Variants in CYP11B1 observed in about 807,000 individuals in gnomAD.
CYP11B1 encodes cytochrome P450 family 11 subfamily B member 1.
Under a neutral mutation model 48.3 loss-of-function variants are expected in CYP11B1, and 34 were observed. That is an observed-to-expected ratio of 0.70 (90% CI 0.54 to 0.94). The LOEUF (loss-of-function observed/expected upper bound fraction) is 0.94, where lower values mean the gene tolerates loss of function less well. Among genes scored for constraint, CYP11B1 ranks in the 40% least tolerant of loss-of-function variants. CYP11B1 has a pLI of 0.00. For missense variants in CYP11B1, 688 were observed against 657.4 expected (o/e 1.05, Z -0.51); for synonymous variants, 291 against 262.5 (o/e 1.11, Z -1.05).
At position 142,875,123 on chromosome 8, in the gene CYP11B1, C is replaced by T. The variant is rs532797257; in HGVS notation, c.1232G>A (p.Gly411Asp). 6.2e-7 allele frequency: 1 copy of T among 1,614,246 alleles called. No individual in the cohort carries two copies. The highest frequency in any genetic ancestry group is 1.1e-5 in the South Asian group (1 of 91,090). The change falls in exon 8 of 9, where the codon GGT becomes GAT. Residue 411 changes from glycine to aspartate, a missense_variant. Gly to Asp is a moderately conservative substitution (Grantham distance 94). Transcript: ENST00000292427. Reference protein sequence around the residue: ...TLVRVFLYSLGRNPALFPRPE... With the variant: ...TLVRVFLYSLDRNPALFPRPE... ...CCTCGGGAACAAGGCGGGGTTGCGA[C>T]CCAGAGAGTAGAGGAACACGCGCAC...
chr8:142,877,704 T>G (rs1817005730), intron 2 of CYP11B1: 4 of 1,556,622 alleles, frequency 2.6e-6, no homozygotes, highest in Non-Finnish European at 3.5e-6. Flanking sequence ...CAGTGAAGTG[T>G]CTGCATCTTC....
Position 142,875,109 on chromosome 8 carries a change from A to C in CYP11B1, c.1246T>G (p.Leu416Val), listed in dbSNP as rs1816893591. 2 of 1,614,240 alleles carry C rather than the reference A, an allele frequency of 1.2e-6. No homozygotes were observed. The highest frequency in any genetic ancestry group is 1.7e-6 in the Non-Finnish European group (2 of 1,180,026). ...FLYSLGRNPA[L>V]FPRPERYNPQ... The stretch of plus-strand genomic sequence containing the variant: ...TTATAGCGCTCAGGCCTCGGGAACA[A>C]GGCGGGGTTGCGACCCAGAGAGTAG... Residue 416 changes from leucine to valine, a missense_variant, in exon 8 of 9, where the codon TTG becomes GTG. By Grantham distance (32) the Leu-to-Val change is conservative. Coordinates refer to ENST00000292427, the MANE Select transcript of CYP11B1 (RefSeq NM_000497.4).
intron 5 of CYP11B1, 84 bp from the exon 6 acceptor site, chr8:142,875,962 G>A: frequency 1.3e-6 from 2 of 1,537,524 alleles, no homozygotes; most frequent in Non-Finnish European, 1.8e-6. Flanking sequence ...ACCTCCCTGT[G>A]AGGGGTGCAG....
rs1017727045 is a variant in CYP11B1, at chr8:142,873,189, G to C, written c.*1184C>G. The C allele has an allele frequency of 6.6e-6, 1 of 152,270 alleles. No homozygotes were observed. The highest frequency in any genetic ancestry group is 1.5e-5 in the Non-Finnish European group (1 of 68,094). The allele number at this position is 152,270 out of a possible 1,614,324, so 9.4% of individuals were successfully genotyped here. On this transcript the variant is annotated 3_prime_UTR_variant, in exon 9 of 9. Transcript: ENST00000292427. ...GTCCTGGATCTACTGACCACCACTGGAATGATGCCATAGGGATTTCCCCTT... is the reference window on the plus strand; with the variant it reads ...GTCCTGGATCTACTGACCACCACTGCAATGATGCCATAGGGATTTCCCCTT...
At position 142,873,851 on chromosome 8, in the gene CYP11B1, C is replaced by T. The variant is rs761297069; in HGVS notation, c.*522G>A. The T allele has an allele frequency of 5.0e-6, 1 of 199,066 alleles. No homozygotes were observed. Among genetic ancestry groups the T allele is most frequent in the Non-Finnish European group, 1.0e-5 (1 of 95,312 alleles). The allele number at this position is 199,066 out of a possible 1,614,324, so 12.3% of individuals were successfully genotyped here. The stretch of plus-strand genomic sequence containing the variant: ...TTATTCTACCCTGCAGGACCCTATT[C>T]CAGGGTGACAACTTTCAGAGAGCTC... On this transcript the variant is annotated 3_prime_UTR_variant, in exon 9 of 9. Transcript: ENST00000292427.
intron 2 of CYP11B1, among the ~76,000 whole-genome samples, chr8:142,877,550 G>A (rs1194650223): frequency 3.9e-5 from 6 of 152,136 alleles, no homozygotes; most frequent in Non-Finnish European, 5.9e-5. Context: ...TAGGGGGGAG[G>A]GATTTTCTGC....
At chr8:142,879,326 A>C (rs748948394) in intron 1 of CYP11B1, 139 bp from the exon 2 acceptor site, 1 of 1,605,658 alleles carries the variant, frequency 6.2e-7, no homozygotes, top group Admixed American at 1.7e-5. Flanking sequence ...CCTCTTGCTG[A>C]CTGCCCGGAA....
rs775901877 is a variant in CYP11B1, at chr8:142,875,172, C to T, written c.1201-18G>A. 19 of 1,614,080 alleles carry T rather than the reference C, an allele frequency of 1.2e-5. No homozygotes were observed. The highest frequency in any genetic ancestry group is 1.5e-5 in the Non-Finnish European group (18 of 1,180,040). On this transcript the variant is annotated intron_variant, in intron 7 of 8. Coordinates refer to ENST00000292427, the MANE Select transcript of CYP11B1 (RefSeq NM_000497.4). The stretch of plus-strand genomic sequence containing the variant: ...ACCAATGTCTGCGGACGGTGCAGAG[C>T]GGGGATCAGGGAATGACTGGGGAGG...
rs1271198534 is a variant in CYP11B1, at chr8:142,876,078, T to C, written c.954+163A>G. 6 of 1,189,898 alleles carry C rather than the reference T, an allele frequency of 5.0e-6. No homozygotes were observed. In the East Asian group the frequency reaches 1.3e-4, roughly 25 times the overall value. 73.7% of individuals were successfully genotyped at this position (1,189,898 alleles called of 1,614,324 possible). ...AGAAAGGAACCCCCCATTCCAACCA[T>C]GGCAACCTGCAAACGTGTTTATCAC... is the stretch of plus-strand genomic sequence containing the variant. On this transcript the variant is annotated intron_variant, in intron 5 of 8. Coordinates refer to ENST00000292427, the MANE Select transcript of CYP11B1 (RefSeq NM_000497.4).
At position 142,876,383 on chromosome 8, in the gene CYP11B1, A is replaced by G. The variant is rs780265554; in HGVS notation, c.812T>C (p.Ile271Thr). 3 of 1,613,990 alleles carry G rather than the reference A, an allele frequency of 1.9e-6. No homozygotes were observed. Among genetic ancestry groups the G allele is most frequent in the Admixed American group, 1.7e-5 (1 of 60,022 alleles). The change falls in exon 5 of 9, where the codon ATC becomes ACC. Residue 271 changes from isoleucine (I) to threonine (T), a missense_variant. Ile to Thr is a moderately conservative substitution (Grantham distance 89). Transcript: ENST00000292427. ...DCIFQYGDNC[I>T]QKIYQELAFS... ...GGCCAGTTCCTGATAGATTTTCTGG[A>G]TACAGTTGTCGCCTATCCGGGGAGC...
chr8:142,876,247 C>G lies in CYP11B1; in HGVS notation c.948G>C (p.Val316=), dbSNP rs778295450. The G allele has an allele frequency of 6.2e-7, 1 of 1,614,206 alleles. No individual in the cohort carries two copies. The highest frequency in any genetic ancestry group is 1.7e-5 in the Admixed American group (1 of 60,034). ...GGCTGGTTGCCGGCCTGACCGTGTC[C>G]ACGCTCCCTGCAGTGAGTTCCATAG... The part of the protein sequence containing the change: ...ANSMELTAGS[V]DTTVFPLLMT... Residue 316 remains valine, a synonymous_variant, in exon 5 of 9, where the codon GTG becomes GTC. Coordinates refer to ENST00000292427, the MANE Select transcript of CYP11B1 (RefSeq NM_000497.4).
At chr8:142,874,574 T>A in intron 8 of CYP11B1, 88 bp from the exon 9 acceptor site, 1 of 934,054 alleles carries the variant, frequency 1.1e-6, no homozygotes, top group Non-Finnish European at 1.8e-6. Flanking sequence ...TTGCAGAGAT[T>A]ATGCTGAAGG....
Position 142,874,451 on chromosome 8 carries a change from T to C in CYP11B1, c.1434A>G (p.Gln478=). The C allele has an allele frequency of 3.7e-6, 6 of 1,613,996 alleles. No homozygotes were observed. Among genetic ancestry groups the C allele is most frequent in the Non-Finnish European group, 8.5e-7 (1 of 1,179,892 alleles). ...LKHLQVETLT[Q]EDIKMVYSFI... ...AGCTGTAGACCATCTTTATGTCCTC[T>C]TGGGTTAGTGTCTCCACCTGGAGGT... The change falls in exon 9 of 9, where the codon CAA becomes CAG. Residue 478 remains glutamine (Q), a synonymous_variant. Transcript: ENST00000292427.
chr8:142,877,364 C>T (rs1816994417), intron 2 of CYP11B1, 142 bp from the exon 3 acceptor site: 9 of 903,226 alleles, frequency 1.0e-5, no homozygotes, highest in Admixed American at 4.0e-5. Context: ...TGTTTGTGTT[C>T]GAGCTGCAGC....
chr8:142,879,475 C>T lies in CYP11B1; in HGVS notation c.239+100G>A, dbSNP rs199825110. On this transcript the variant is annotated intron_variant, in intron 1 of 8. Coordinates refer to ENST00000292427, the MANE Select transcript of CYP11B1 (RefSeq NM_000497.4). ...CCATCTTCCAAAGGATGCAGAGTGCCGGGACCTGCTGGGAATGGCAGTGCT... is the reference window on the plus strand; with the variant it reads ...CCATCTTCCAAAGGATGCAGAGTGCTGGGACCTGCTGGGAATGGCAGTGCT... 6.3e-4 allele frequency: 1,011 copies of T among 1,613,824 alleles called. No individual in the cohort carries two copies. Among genetic ancestry groups the T allele is most frequent in the Middle Eastern group, 8.2e-4 (5 of 6,082 alleles).
chr8:142,875,928 C>T, intron 5 of CYP11B1, 50 bp from the exon 6 acceptor site: 4 of 1,607,828 alleles, frequency 2.5e-6, no homozygotes, highest in East Asian at 2.2e-5. Flanking sequence ...AGGACTCAGC[C>T]CCCGGGACAC....
chr8:142,874,171 T>G lies in CYP11B1; in HGVS notation c.*202A>C, dbSNP rs1816863351. On this transcript the variant is annotated 3_prime_UTR_variant, in exon 9 of 9. Coordinates refer to ENST00000292427, the MANE Select transcript of CYP11B1 (RefSeq NM_000497.4). ...GGCTGGGGACAAGGTCAGCAAGATCTTCCCCAGCTGTGCCCTGGCATTGCT... is the reference window on the plus strand; with the variant it reads ...GGCTGGGGACAAGGTCAGCAAGATCGTCCCCAGCTGTGCCCTGGCATTGCT... The G allele has an allele frequency of 1.6e-6, 1 of 618,860 alleles. No individual in the cohort carries two copies. Among genetic ancestry groups the G allele is most frequent in the Admixed American group, 2.5e-5 (1 of 40,500 alleles). 38.3% of individuals were successfully genotyped at this position (618,860 alleles called of 1,614,324 possible). A position where few individuals can be genotyped will look rare whatever the true frequency, so the allele number is the denominator to read the frequency against.
In CYP11B1 at chr8:142,877,012, G is replaced by A. The variant is rs745800040; in HGVS notation, c.595+11C>T. On this transcript the variant is annotated intron_variant, in intron 3 of 8. Transcript: ENST00000292427. The stretch of plus-strand genomic sequence containing the variant: ...GGTCTCTGAGGCTGGATCTTCCCAC[G>A]TGGCCCACACCTTCTATGGTGTAGT... 149 of 1,612,818 alleles carry A rather than the reference G, an allele frequency of 9.2e-5. No homozygotes were observed. The highest frequency in any genetic ancestry group is 2.0e-4 in the Admixed American group (12 of 59,824).
Position 142,877,895 on chromosome 8 carries a change from G to A in CYP11B1, c.396-673C>T, listed in dbSNP as rs12542799. The A allele has an allele frequency of 0.015, 21,434 of 1,395,602 alleles. 2,270 individuals are homozygous for A. The East Asian group carries it at 0.29, about 19-fold the overall frequency. 86.5% of individuals were successfully genotyped at this position (1,395,602 alleles called of 1,614,324 possible). A position where few individuals can be genotyped will look rare whatever the true frequency, so the allele number is the denominator to read the frequency against. On this transcript the variant is annotated intron_variant, in intron 2 of 8. Coordinates refer to ENST00000292427, the MANE Select transcript of CYP11B1 (RefSeq NM_000497.4). ...CTGTTGTGAGCTGTTGACAGTGATG[G>A]CAGGCAGAAGATGCACATGCTCACA...
Sources: gnomAD v4.1 joint callset for allele counts (sites outside exome capture counted in the v4.1 genomes callset) on GRCh38, gnomAD v4.1.1 for gene constraint, MANE v1.5 for transcripts, NCBI Gene and HGNC (gene_info 2026-07-23, HGNC 2026-07-21) for gene names.